Variants in GNAI2 observed in about 807,000 individuals in gnomAD.
The protein encoded by GNAI2 is G protein subunit alpha i2.
GNAI2 carries 4 observed loss-of-function variants against 36.8 expected under a neutral mutation model. The ratio of observed to expected loss-of-function variants is 0.11; its 90% CI spans 0.05 to 0.25. The LOEUF (loss-of-function observed/expected upper bound fraction) is 0.25, where lower values mean the gene tolerates loss of function less well. GNAI2 is among the 10% of genes least tolerant of loss of function. The pLI is 1.00. For missense variants in GNAI2, 230 were observed against 481.3 expected (o/e 0.48, Z 4.89); for synonymous variants, 194 against 194.1 (o/e 1.00, Z 0.01).
rs587616683 is a variant in GNAI2, at chr3:50,243,614, G to A, written c.118+7161G>A. ...CCACAGCTGTCTCTGATTGAGCCTTGACTGTTGTGTGGAGCTGAATTCTTC... is the reference window on the plus strand; with the variant it reads ...CCACAGCTGTCTCTGATTGAGCCTTAACTGTTGTGTGGAGCTGAATTCTTC... On this transcript the variant is annotated intron_variant, in intron 1 of 8. Transcript: ENST00000313601. Among the ~76,000 whole-genome samples, 3 of 152,380 alleles carry A rather than the reference G, an allele frequency of 2.0e-5. 1 individual carries two copies. The South Asian group carries it at 6.2e-4, about 32-fold the overall frequency.
In GNAI2 at chr3:50,253,207, C is replaced by T. The variant is rs1700608821; in HGVS notation, c.464+23C>T. ...CTAGTGAGTGCTCTGAGGGGCTGGG[C>T]AGGGCAGGGCAGGGGCTGGGGGAGG... On this transcript the variant is annotated intron_variant, in intron 4 of 8. Coordinates refer to ENST00000313601, the MANE Select transcript of GNAI2 (RefSeq NM_002070.4). This position sits in a 1 kb window ranked among gnomAD's most constrained non-coding sequence, Gnocchi z 4.2. 1.3e-6 allele frequency: 2 copies of T among 1,575,134 alleles called. No homozygotes were observed. The highest frequency in any genetic ancestry group is 1.3e-5 in the African/African-American group (1 of 74,266).
chr3:50,236,161 C>T (rs1575437671), upstream of GNAI2: 2 of 1,163,806 alleles, frequency 1.7e-6, no homozygotes, highest in South Asian at 4.3e-5. The surrounding 1 kb of genome is among the most constrained non-coding windows in gnomAD (Gnocchi z 4.0). Flanking sequence ...ACCCCCGGCC[C>T]GCCCCGCCGT....
At chr3:50,250,810 C>CT (rs782677693) in intron 1 of GNAI2, among the ~76,000 whole-genome samples, 307 of 136,640 alleles carry the variant, frequency 2.2e-3, no homozygotes, top group South Asian at 0.013. Context: ...TGGGAGTCTG[C>CT]TTTTTTTTTT....
At chr3:50,244,426 C>G (rs1401835103) in intron 1 of GNAI2, among the ~76,000 whole-genome samples, 2 of 152,150 alleles carry the variant, frequency 1.3e-5, no homozygotes, top group African/African-American at 4.8e-5. Context: ...TCATTCTTTC[C>G]CTAATATTAT....
rs1405711594 is a variant in GNAI2, at chr3:50,238,909, T to C, written c.118+2456T>C. On this transcript the variant is annotated intron_variant, in intron 1 of 8. Transcript: ENST00000313601. This position sits in a 1 kb window ranked among gnomAD's most constrained non-coding sequence, Gnocchi z 5.0. The stretch of plus-strand genomic sequence containing the variant: ...CCCTCCCAGCCAGAACCACGCCTGC[T>C]GCCCCGCCCGCACACCGCCTCCCTC... Among the ~76,000 whole-genome samples, 1 of 152,182 alleles carries C rather than the reference T, an allele frequency of 6.6e-6. No individual in the cohort carries two copies. The highest frequency in any genetic ancestry group is 1.5e-5 in the Non-Finnish European group (1 of 68,024).
At chr3:50,251,636 G>A (rs1553702468) in intron 1 of GNAI2, 2 of 1,317,496 alleles carry the variant, frequency 1.5e-6, no homozygotes, top group South Asian at 2.4e-5. Context: ...GGTTGCTAAG[G>A]CTCAGTGTGG....
chr3:50,258,148 C>G (rs1700755708), intron 8 of GNAI2: 1 of 156,784 alleles, frequency 6.4e-6, no homozygotes, highest in Non-Finnish European at 1.4e-5. Flanking sequence ...CGGGCTTAGG[C>G]TGGCCCCACT....
intron 1 of GNAI2, among the ~76,000 whole-genome samples, chr3:50,244,237 C>T (rs1005999351): frequency 6.6e-6 from 1 of 152,106 alleles, no homozygotes; most frequent in Non-Finnish European, 1.5e-5. Flanking sequence ...CCATGTTGGT[C>T]AGGCTGGTCT....
Position 50,252,018 on chromosome 3 carries a change from G to T in GNAI2, c.119-82G>T. ...TGGGAAGGTTAGTTCTGCCTCCTGG[G>T]CTACAGGTGTCTGGGCATTTGTTCT... On this transcript the variant is annotated intron_variant, in intron 1 of 8. Coordinates refer to ENST00000313601, the MANE Select transcript of GNAI2 (RefSeq NM_002070.4). This position sits in a 1 kb window ranked among gnomAD's most constrained non-coding sequence, Gnocchi z 4.1. The T allele has an allele frequency of 7.3e-7, 1 of 1,372,266 alleles. No homozygotes were observed. Among genetic ancestry groups the T allele is most frequent in the Non-Finnish European group, 1.0e-6 (1 of 969,454 alleles). The allele number at this position is 1,372,266 out of a possible 1,614,324, so 85.0% of individuals were successfully genotyped here.
rs782413773 is a variant in GNAI2, at chr3:50,252,476, A to G, written c.241A>G (p.Ile81Val). ...AVVYSNTIQS[I>V]MAIVKAMGNL... is the part of the protein sequence containing the mutation. ...TGTCTACAGCAACACCATCCAGTCC[A>G]TCATGGCCATTGTCAAAGCCATGGG... Residue 81 changes from isoleucine to valine, a missense_variant, in exon 3 of 9, where the codon ATC becomes GTC. Transcript: ENST00000313601. This position sits in a 1 kb window ranked among gnomAD's most constrained non-coding sequence, Gnocchi z 4.1. The G allele has an allele frequency of 6.2e-7, 1 of 1,613,530 alleles. No homozygotes were observed. The highest frequency in any genetic ancestry group is 2.2e-5 in the East Asian group (1 of 44,892).
chr3:50,251,983 G>GT, intron 1 of GNAI2, 117 bp from the exon 2 acceptor site: 1 of 1,045,008 alleles, frequency 9.6e-7, no homozygotes, highest in East Asian at 2.6e-5. Flanking sequence ...CCATCTCACG[G>GT]TGCAGCTGGT....
At chr3:50,244,608 G>C (rs1553701502) in intron 1 of GNAI2, among the ~76,000 whole-genome samples, 1 of 152,208 alleles carries the variant, frequency 6.6e-6, no homozygotes, top group Non-Finnish European at 1.5e-5. Flanking sequence ...CTGGGTGCAC[G>C]TACGGTACTG....
In GNAI2 at chr3:50,241,731, G is replaced by C. The variant is rs587772408; in HGVS notation, c.118+5278G>C. Among the ~76,000 whole-genome samples the C allele has an allele frequency of 6.6e-6, 1 of 152,348 alleles. No individual in the cohort carries two copies. Among genetic ancestry groups the C allele is most frequent in the Admixed American group, 6.5e-5 (1 of 15,312 alleles). ...CGGGACACAGGCTTCCATGTCAGAA[G>C]CCCTGAGGCAGCATCACACCACCCA... On this transcript the variant is annotated intron_variant, in intron 1 of 8. Transcript: ENST00000313601. This position sits in a 1 kb window ranked among gnomAD's most constrained non-coding sequence, Gnocchi z 5.0.
At chr3:50,243,053 C>T (rs1194706933) in intron 1 of GNAI2, among the ~76,000 whole-genome samples, 3 of 152,222 alleles carry the variant, frequency 2.0e-5, no homozygotes, top group Non-Finnish European at 4.4e-5. Flanking sequence ...GGCCAGAGGG[C>T]TGCCTGGTGC....
chr3:50,227,185 G>A (rs1179779374), upstream of GNAI2: 49 of 1,441,700 alleles, frequency 3.4e-5, no homozygotes, highest in Admixed American at 1.3e-3. The surrounding 1 kb of genome is among the most constrained non-coding windows in gnomAD (Gnocchi z 5.9). Context: ...CACTGGGGAC[G>A]TTCTGAGGGT....
chr3:50,241,487 C>T lies in GNAI2; in HGVS notation c.118+5034C>T, dbSNP rs587728913. ...CCTGCCTCTCACGCCAGTGTCAGTG[C>T]AGCCAACATGAGGTCATACCTCTAG... On this transcript the variant is annotated intron_variant, in intron 1 of 8. Coordinates refer to ENST00000313601, the MANE Select transcript of GNAI2 (RefSeq NM_002070.4). The surrounding 1 kb of genome is among the most constrained non-coding windows in gnomAD (Gnocchi z 5.0). Among the ~76,000 whole-genome samples the T allele has an allele frequency of 6.6e-6, 1 of 152,328 alleles. No homozygotes were observed. The highest frequency in any genetic ancestry group is 1.5e-5 in the Non-Finnish European group (1 of 68,028).
upstream of GNAI2, among the ~76,000 whole-genome samples, chr3:50,231,412 G>C (rs1273555898): frequency 6.6e-6 from 1 of 152,168 alleles, no homozygotes; most frequent in African/African-American, 2.4e-5. Flanking sequence ...GCAAGTAGCC[G>C]GGATTACAGG....
chr3:50,245,294 C>T (rs1435972382), intron 1 of GNAI2, among the ~76,000 whole-genome samples: 2 of 152,182 alleles, frequency 1.3e-5, no homozygotes, highest in Admixed American at 1.3e-4. Flanking sequence ...CACCCCGCCC[C>T]GCCAGTGCCG....
chr3:50,235,373 T>C (rs2109177802), upstream of GNAI2: 1 of 150,954 alleles, frequency 6.6e-6, no homozygotes, highest in East Asian at 2.0e-4. Flanking sequence ...TGGAGTGCAA[T>C]GAATGGCGCG....
Sources: gnomAD v4.1 joint callset for allele counts (sites outside exome capture counted in the v4.1 genomes callset) on GRCh38, gnomAD v4.1.1 for gene constraint, Gnocchi (gnomAD v3.1) non-coding constraint, MANE v1.5 for transcripts, NCBI Gene and HGNC (gene_info 2026-07-23, HGNC 2026-07-21) for gene names.